The following MGAT4D variants were observed in gnomAD, a reference collection of about 807,000 sequenced individuals.
The protein encoded by MGAT4D is alpha-1,3-mannosyl-glycoprotein 4-beta-N-acetylglucosaminyltransferase-like protein MGAT4D.
In MGAT4D, 34 loss-of-function variants were observed where a neutral mutation model predicts 15.9. That is an observed-to-expected ratio of 2.14 (90% CI 1.62 to 2.84). MGAT4D has a LOEUF of 2.84. MGAT4D is among the 30% of genes most tolerant of loss of function. MGAT4D has a pLI of 0.00. For synonymous variants in MGAT4D, 112 were observed against 48.2 expected, an observed-to-expected ratio of 2.33 and a Z score of -5.49; for missense variants, 327 against 140.2, an observed-to-expected ratio of 2.33 and a Z score of -6.73.
chr4:140,465,775 C>T (rs1188408616), intron 5 of MGAT4D, among the ~76,000 whole-genome samples: 1 of 152,152 alleles, frequency 6.6e-6, no homozygotes, highest in Admixed American at 6.5e-5. Context: ...TATGCATAAT[C>T]TCCATTATGG....
In MGAT4D at chr4:140,461,992, T is replaced by C; in HGVS notation, c.699A>G (p.Lys233=). The stretch of plus-strand genomic sequence containing the variant: ...ACAAAATGCAAAAATCCAATACCTG[T>C]TTGATTCGCCAACTAAAGGTAATCA... ...ASQKLASWRI[K]QVLDFCILLL... Residue 233 remains lysine (K), a synonymous_variant, in exon 7 of 11, where the codon AAA becomes AAG. Coordinates refer to ENST00000511113, the MANE Select transcript of MGAT4D (RefSeq NM_001277353.2). 1.4e-6 allele frequency: 1 copy of C among 701,386 alleles called. No homozygotes were observed. Among genetic ancestry groups the C allele is most frequent in the Non-Finnish European group, 2.6e-6 (1 of 384,128 alleles). The allele number at this position is 701,386 out of a possible 1,614,324, so 43.4% of individuals were successfully genotyped here.
chr4:140,474,552 A>G lies in MGAT4D; in HGVS notation c.525+261T>C, dbSNP rs533566386. Among the ~76,000 whole-genome samples the G allele has an allele frequency of 2.0e-5, 3 of 152,314 alleles. No homozygotes were observed. The East Asian group carries it at 5.8e-4, about 29-fold the overall frequency. On this transcript the variant is annotated intron_variant, in intron 4 of 10. Coordinates refer to ENST00000511113, the MANE Select transcript of MGAT4D (RefSeq NM_001277353.2). ...CAGGGATTCAGGGATTCTATATTAA[A>G]TGCAATTCAAATTTAGCAATCTTAT...
At chr4:140,462,690 T>C (rs1731272654) in intron 6 of MGAT4D, 1 of 152,208 alleles carries the variant, frequency 6.6e-6, no homozygotes, top group Admixed American at 6.5e-5. Context: ...AATGGAGTAA[T>C]TGTATGAATT....
intron 1 of MGAT4D, among the ~76,000 whole-genome samples, chr4:140,483,920 A>G (rs184769245): frequency 8.5e-4 from 130 of 152,292 alleles, no homozygotes; most frequent in Admixed American, 1.2e-3. Flanking sequence ...AGAAGAAACC[A>G]TTAGGAAAAA....
At chr4:140,487,875 T>A (rs1450020585) in intron 1 of MGAT4D, among the ~76,000 whole-genome samples, 1 of 152,158 alleles carries the variant, frequency 6.6e-6, no homozygotes, top group Non-Finnish European at 1.5e-5. Context: ...ATGGCATAAG[T>A]CTCCGGCATC....
intron 3 of MGAT4D, among the ~76,000 whole-genome samples, chr4:140,475,959 G>A (rs1354664945): frequency 6.6e-6 from 1 of 151,734 alleles, no homozygotes; most frequent in Non-Finnish European, 1.5e-5. Context: ...TTACAGGCAT[G>A]CACCACCATG....
At chr4:140,477,354 G>A (rs929825683) in intron 3 of MGAT4D, among the ~76,000 whole-genome samples, 8 of 152,150 alleles carry the variant, frequency 5.3e-5, no homozygotes, top group Non-Finnish European at 8.8e-5. Flanking sequence ...CTCTATGAAG[G>A]TGGGGTCTAT....
At chr4:140,495,618 C>A (rs971693064) in intron 1 of MGAT4D, among the ~76,000 whole-genome samples, 8 of 152,120 alleles carry the variant, frequency 5.3e-5, no homozygotes, top group Non-Finnish European at 1.2e-4. Flanking sequence ...TATGTTCTGT[C>A]CTCACAGAGC....
chr4:140,480,268 C>T (rs1162274371), intron 2 of MGAT4D, among the ~76,000 whole-genome samples: 1 of 152,062 alleles, frequency 6.6e-6, no homozygotes, highest in Non-Finnish European at 1.5e-5. Context: ...GGTGTTTGAA[C>T]ACTTGGACAT....
chr4:140,473,114 A>G (rs915515203), intron 4 of MGAT4D, among the ~76,000 whole-genome samples: 1 of 151,918 alleles, frequency 6.6e-6, no homozygotes, highest in Non-Finnish European at 1.5e-5. Flanking sequence ...TTTTCTTCAT[A>G]TATTTCATTT....
Position 140,454,384 on chromosome 4 carries a change from A to C in MGAT4D, c.1008+2205T>G, listed in dbSNP as rs577631675. ...TATTAACATGTGGCTTTTCTTCTTCAGAATCTTAAATTGGTGGGTTACACT... is the reference window on the plus strand; with the variant it reads ...TATTAACATGTGGCTTTTCTTCTTCCGAATCTTAAATTGGTGGGTTACACT... On this transcript the variant is annotated intron_variant, in intron 9 of 10. Coordinates refer to ENST00000511113, the MANE Select transcript of MGAT4D (RefSeq NM_001277353.2). Among the ~76,000 whole-genome samples, 11 of 152,288 alleles carry C rather than the reference A, an allele frequency of 7.2e-5. No homozygotes were observed. In the East Asian group the frequency reaches 2.1e-3, roughly 29 times the overall value.
intron 8 of MGAT4D, chr4:140,459,255 T>A: frequency 5.2e-6 from 1 of 192,404 alleles, no homozygotes. Context: ...ATTTAATAAA[T>A]GGTAACTCTT....
At chr4:140,456,204 C>T (rs1267954516) in intron 9 of MGAT4D, among the ~76,000 whole-genome samples, 1 of 152,132 alleles carries the variant, frequency 6.6e-6, no homozygotes, top group Non-Finnish European at 1.5e-5. Context: ...TTTTTTCATC[C>T]ACAAGTTTTA....
intron 10 of MGAT4D, among the ~76,000 whole-genome samples, chr4:140,447,309 T>TA (rs1182680560): frequency 6.6e-6 from 1 of 152,166 alleles, no homozygotes; most frequent in South Asian, 2.1e-4. Flanking sequence ...AGTGGGGTAT[T>TA]AAAGTCTCCA....
intron 8 of MGAT4D, 153 bp from the exon 9 acceptor site, chr4:140,456,872 TA>T (rs1730841505): frequency 2.2e-6 from 1 of 446,090 alleles, no homozygotes; most frequent in South Asian, 3.8e-5. Context: ...ATGATAAAAT[TA>T]AACACTATAT....
intron 1 of MGAT4D, among the ~76,000 whole-genome samples, chr4:140,483,966 T>C (rs1732918935): frequency 6.6e-6 from 1 of 152,178 alleles, no homozygotes; most frequent in Non-Finnish European, 1.5e-5. Context: ...ATTTTTCAGA[T>C]ATGACTCCAA....
rs571239889 is a variant in MGAT4D, at chr4:140,494,133, C to T, written c.94+3996G>A. ...GAGCTTAAATGCAATGACAACCCAC[C>T]ACACTGCCCATGGAAAACAGGACAC... On this transcript the variant is annotated intron_variant, in intron 1 of 10. Coordinates refer to ENST00000511113, the MANE Select transcript of MGAT4D (RefSeq NM_001277353.2). 7.2e-5 allele frequency among the ~76,000 whole-genome samples: 11 copies of T among 152,308 alleles called. No individual in the cohort carries two copies. In the South Asian group the frequency reaches 2.3e-3, roughly 32 times the overall value.
chr4:140,481,941 T>C (rs1307112000), intron 2 of MGAT4D, among the ~76,000 whole-genome samples: 2 of 152,208 alleles, frequency 1.3e-5, no homozygotes, highest in African/African-American at 2.4e-5. Context: ...GCCTGACTAA[T>C]GTAGCAGAAA....
chr4:140,490,485 C>T (rs1733430217), intron 1 of MGAT4D, among the ~76,000 whole-genome samples: 1 of 152,160 alleles, frequency 6.6e-6, no homozygotes, highest in South Asian at 2.1e-4. Flanking sequence ...CTAAAATTTG[C>T]CTCAACATAC....
Sources: allele counts gnomAD v4.1 joint callset (sites outside exome capture counted in the v4.1 genomes callset), GRCh38; gene constraint gnomAD v4.1.1; transcripts MANE v1.5; gene names NCBI Gene and HGNC (gene_info 2026-07-23, HGNC 2026-07-21).